The following ZCCHC24 variants were observed in gnomAD, a reference collection of about 807,000 sequenced individuals.
ZCCHC24 encodes zinc finger CCHC-type containing 24.
A neutral mutation model predicts 26.2 loss-of-function variants in ZCCHC24; 10 were observed. The ratio of observed to expected loss-of-function variants is 0.38; its 90% CI spans 0.24 to 0.65. ZCCHC24 has a LOEUF of 0.65. ZCCHC24 is among the 30% of genes least tolerant of loss of function. ZCCHC24 has a pLI of 0.54. For missense variants in ZCCHC24, 243 were observed against 329.1 expected (o/e 0.74, Z 2.03); for synonymous variants, 144 against 147.1 (o/e 0.98, Z 0.15).
At chr10:79,444,191 A>T in intron 1 of ZCCHC24, 1 of 1,526,596 alleles carries the variant, frequency 6.6e-7, no homozygotes, top group Non-Finnish European at 8.8e-7. Context: ...AACCCCCACA[A>T]GGGGAGGAAG....
At chr10:79,425,189 A>G (rs1408431991) in intron 2 of ZCCHC24, among the ~76,000 whole-genome samples, 3 of 152,234 alleles carry the variant, frequency 2.0e-5, no homozygotes, top group Non-Finnish European at 4.4e-5. Flanking sequence ...TCAGGCCTTC[A>G]GAGTCCTGAC....
At chr10:79,397,053 T>C (rs1457473096) in intron 2 of ZCCHC24, among the ~76,000 whole-genome samples, 2 of 152,258 alleles carry the variant, frequency 1.3e-5, no homozygotes, top group African/African-American at 4.8e-5. Context: ...TTAGTAATCA[T>C]GCCTCTTTGT....
In ZCCHC24 at chr10:79,382,677, G is replaced by A. The variant is rs1426715488; in HGVS notation, c.*3668C>T. The A allele has an allele frequency of 6.5e-6, 1 of 152,858 alleles. No individual in the cohort carries two copies. The highest frequency in any genetic ancestry group is 1.5e-5 in the Non-Finnish European group (1 of 68,088). The allele number at this position is 152,858 out of a possible 1,614,324, so 9.5% of individuals were successfully genotyped here. On this transcript the variant is annotated 3_prime_UTR_variant, in exon 4 of 4. Transcript: ENST00000372336. Reference sequence around the variant, plus strand: ...AAGGCTGGAACACCCCCATTTCAGGGTTAGTCGTTGGACTGAGCTACAATG... The same window carrying A: ...AAGGCTGGAACACCCCCATTTCAGGATTAGTCGTTGGACTGAGCTACAATG...
chr10:79,427,092 A>G (rs1857039087), intron 2 of ZCCHC24, among the ~76,000 whole-genome samples: 1 of 152,184 alleles, frequency 6.6e-6, no homozygotes, highest in Non-Finnish European at 1.5e-5. Context: ...GTTACTAGAG[A>G]AAAAGAAGGA....
intron 3 of ZCCHC24, among the ~76,000 whole-genome samples, chr10:79,387,638 A>AG (rs1554839893): frequency 1.1e-4 from 1 of 9,206 alleles, no homozygotes; most frequent in Admixed American, 2.0e-3. Flanking sequence ...GAGAGGGGGC[A>AG]GAACCTGGAC....
At chr10:79,422,499 C>G (rs1326366345) in intron 2 of ZCCHC24, among the ~76,000 whole-genome samples, 2 of 152,228 alleles carry the variant, frequency 1.3e-5, no homozygotes, top group Non-Finnish European at 2.9e-5. Context: ...GGCCAGCCCC[C>G]TCTTTCCCTT....
At chr10:79,440,093 G>GCCA (rs1215798343) in intron 1 of ZCCHC24, among the ~76,000 whole-genome samples, 2 of 149,952 alleles carry the variant, frequency 1.3e-5, no homozygotes, top group East Asian at 3.9e-4. Context: ...AGAATCACAT[G>GCCA]CCACCACCAC....
intron 3 of ZCCHC24, among the ~76,000 whole-genome samples, chr10:79,391,049 G>A (rs1050776364): frequency 1.3e-5 from 2 of 152,118 alleles, no homozygotes; most frequent in African/African-American, 2.4e-5. Flanking sequence ...TGGGAGACCT[G>A]AGTTCCAGGG....
chr10:79,386,929 A>G (rs1856405602), intron 3 of ZCCHC24, among the ~76,000 whole-genome samples: 1 of 152,136 alleles, frequency 6.6e-6, no homozygotes, highest in South Asian at 2.1e-4. Flanking sequence ...ACCCAGGCCC[A>G]CAGCAACGGA....
At chr10:79,444,556 G>T (rs550178204) in intron 1 of ZCCHC24, among the ~76,000 whole-genome samples, 51 of 151,996 alleles carry the variant, frequency 3.4e-4, no homozygotes, top group African/African-American at 1.1e-3. Flanking sequence ...TGGGGACAGC[G>T]CAGTCTGTGG....
At chr10:79,427,245 A>G (rs1015648704) in intron 2 of ZCCHC24, among the ~76,000 whole-genome samples, 1 of 152,224 alleles carries the variant, frequency 6.6e-6, no homozygotes, top group Non-Finnish European at 1.5e-5. Context: ...TAATTTCTGG[A>G]GGCTTAAATA....
At chr10:79,395,862 T>G (rs1004025022) in intron 2 of ZCCHC24, among the ~76,000 whole-genome samples, 3 of 152,250 alleles carry the variant, frequency 2.0e-5, no homozygotes, top group African/African-American at 7.2e-5. Flanking sequence ...TATCTTACAG[T>G]TTACCCATTT....
chr10:79,405,641 C>T (rs542840802), intron 2 of ZCCHC24, among the ~76,000 whole-genome samples: 8 of 152,340 alleles, frequency 5.3e-5, no homozygotes, highest in Admixed American at 3.3e-4. Context: ...TAGACATGGC[C>T]GTGACCAGCC....
intron 3 of ZCCHC24, among the ~76,000 whole-genome samples, chr10:79,389,688 TCACAGCAA>T (rs1856449382): frequency 6.6e-6 from 1 of 152,174 alleles, no homozygotes; most frequent in Admixed American, 6.5e-5. Context: ...CTATCTCGGC[TCACAGCAA>T]CCTCTGTCTC....
At chr10:79,422,255 C>T (rs562359793) in intron 2 of ZCCHC24, among the ~76,000 whole-genome samples, 1 of 152,138 alleles carries the variant, frequency 6.6e-6, no homozygotes, top group East Asian at 1.9e-4. Flanking sequence ...TGTCCCCTCC[C>T]TGGGCTCTAG....
At chr10:79,388,147 A>G (rs1589657268) in intron 3 of ZCCHC24, among the ~76,000 whole-genome samples, 5 of 152,270 alleles carry the variant, frequency 3.3e-5, no homozygotes, top group African/African-American at 1.2e-4. Context: ...ATCTGTGAAC[A>G]GGGATGCTGA....
intron 1 of ZCCHC24, among the ~76,000 whole-genome samples, chr10:79,436,681 A>AC (rs1284856455): frequency 5.3e-5 from 8 of 152,226 alleles, no homozygotes; most frequent in African/African-American, 1.9e-4. Context: ...TGCGATGGTC[A>AC]CCAGCAGGGA....
intron 1 of ZCCHC24, chr10:79,444,162 C>A (rs1426530234): frequency 6.5e-7 from 1 of 1,544,328 alleles, no homozygotes; most frequent in South Asian, 1.2e-5. Context: ...GAACACACCT[C>A]TTGCATCTTT....
At chr10:79,432,850 G>A (rs1395907342) in intron 1 of ZCCHC24, 92 bp from the exon 2 acceptor site, 2 of 1,375,008 alleles carry the variant, frequency 1.5e-6, no homozygotes, top group African/African-American at 1.5e-5. Flanking sequence ...TTCACACTGA[G>A]TCTTCAGCTA....
Sources: gnomAD v4.1 joint callset for allele counts (sites outside exome capture counted in the v4.1 genomes callset) on GRCh38, gnomAD v4.1.1 for gene constraint, MANE v1.5 for transcripts, NCBI Gene and HGNC (gene_info 2026-07-23, HGNC 2026-07-21) for gene names.